MGAT5: variants seen among roughly 807,000 people sequenced by gnomAD.
MGAT5 encodes the protein alpha-1,6-mannosylglycoprotein 6-beta-N-acetylglucosaminyltransferase.
Under a neutral mutation model 94.3 loss-of-function variants are expected in MGAT5, and 30 were observed. That is an observed-to-expected ratio of 0.32 (90% CI 0.24 to 0.43). The LOEUF is 0.43. MGAT5 is among the 20% of genes least tolerant of loss of function. The pLI is 1.00. For synonymous variants in MGAT5, 310 were observed against 322.9 expected (o/e 0.96, Z 0.43); for missense variants, 691 against 905.5 (o/e 0.76, Z 3.04).
intron 4 of MGAT5, among the ~76,000 whole-genome samples, chr2:134,329,422 C>T (rs536951977): frequency 3.3e-5 from 5 of 152,084 alleles, no homozygotes; most frequent in Admixed American, 6.6e-5. Flanking sequence ...TTGCTACATT[C>T]GTTAACCATA....
At chr2:134,132,963 C>T (rs377645486) in intron 1 of MGAT5, among the ~76,000 whole-genome samples, 13 of 152,316 alleles carry the variant, frequency 8.5e-5, no homozygotes, top group African/African-American at 3.1e-4. Context: ...TGTTATGCCC[C>T]CCCTTCTTAA....
intron 1 of MGAT5, among the ~76,000 whole-genome samples, chr2:134,194,884 T>C (rs1013883508): frequency 6.6e-6 from 1 of 152,220 alleles, no homozygotes. Context: ...GTGGTTCATG[T>C]TGCTGTAAGA....
chr2:134,184,740 A>G (rs755145761), intron 1 of MGAT5, among the ~76,000 whole-genome samples: 75 of 152,108 alleles, frequency 4.9e-4, no homozygotes, highest in Non-Finnish European at 8.8e-4. Context: ...TCTGTACCCT[A>G]CTACATTTTG....
At chr2:134,440,781 G>T (rs753156994) in intron 14 of MGAT5, among the ~76,000 whole-genome samples, 4 of 152,100 alleles carry the variant, frequency 2.6e-5, no homozygotes, top group Non-Finnish European at 5.9e-5. Context: ...GTGGGAGGAG[G>T]CACTTCTTAC....
At chr2:134,163,848 A>T (rs1391934142) in intron 1 of MGAT5, among the ~76,000 whole-genome samples, 1 of 152,230 alleles carries the variant, frequency 6.6e-6, no homozygotes, top group Non-Finnish European at 1.5e-5. Context: ...AGGACTTGGC[A>T]ACAGAAGTAG....
chr2:134,140,082 C>T (rs565779484), intron 1 of MGAT5, among the ~76,000 whole-genome samples: 2 of 152,338 alleles, frequency 1.3e-5, no homozygotes, highest in South Asian at 4.1e-4. Context: ...CCTGGAGAGG[C>T]ACTTGGGGGC....
intron 9 of MGAT5, among the ~76,000 whole-genome samples, chr2:134,354,455 A>T (rs1294007502): frequency 6.6e-6 from 1 of 152,200 alleles, no homozygotes; most frequent in East Asian, 1.9e-4. Context: ...ATGCATCTTG[A>T]GGAACAGTGA....
chr2:134,325,203 GGACAA>G (rs1687572783), intron 4 of MGAT5, among the ~76,000 whole-genome samples: 1 of 152,030 alleles, frequency 6.6e-6, no homozygotes, highest in Non-Finnish European at 1.5e-5. Flanking sequence ...GAAGGGCAAA[GGACAA>G]GACTTGCCAA....
At chr2:134,230,803 G>A (rs1681318822) in intron 1 of MGAT5, among the ~76,000 whole-genome samples, 1 of 138,644 alleles carries the variant, frequency 7.2e-6, no homozygotes, top group Non-Finnish European at 1.6e-5. Context: ...CTACTCGTAG[G>A]TATATACTCA....
chr2:134,311,752 A>T lies in MGAT5; in HGVS notation c.407-5777A>T, dbSNP rs530883569. On this transcript the variant is annotated intron_variant, in intron 2 of 15. Transcript: ENST00000281923. The stretch of plus-strand genomic sequence containing the variant: ...CAGCAGTGAGGAGTGGTTATTAAAA[A>T]CTTTGTTTGTAGTAAGTGAATGTTT... 6.6e-5 allele frequency among the ~76,000 whole-genome samples: 10 copies of T among 151,236 alleles called. No homozygotes were observed. In the South Asian group the frequency reaches 2.1e-3, roughly 32 times the overall value.
At chr2:134,412,713 C>A (rs1683740717) in intron 11 of MGAT5, among the ~76,000 whole-genome samples, 156 bp from the exon 12 acceptor site, 2 of 152,092 alleles carry the variant, frequency 1.3e-5, no homozygotes, top group Non-Finnish European at 2.9e-5. Flanking sequence ...AAGCTGAATT[C>A]TCTCTGCCCC....
chr2:134,369,923 G>T (rs1350758534), intron 10 of MGAT5, among the ~76,000 whole-genome samples: 3 of 152,174 alleles, frequency 2.0e-5, no homozygotes, highest in African/African-American at 7.2e-5. Context: ...CACACAGGAT[G>T]GGCCCTGTCT....
chr2:134,171,426 G>A (rs1558968617), intron 1 of MGAT5, among the ~76,000 whole-genome samples: 2 of 152,124 alleles, frequency 1.3e-5, no homozygotes, highest in Non-Finnish European at 2.9e-5. Flanking sequence ...TGAGACCTGG[G>A]ACAAGAAGCA....
At chr2:134,357,451 T>C (rs1679818422) in intron 9 of MGAT5, among the ~76,000 whole-genome samples, 1 of 152,220 alleles carries the variant, frequency 6.6e-6, no homozygotes, top group African/African-American at 2.4e-5. Context: ...AAACAGGAAT[T>C]TTAGAACCAA....
In MGAT5 at chr2:134,387,332, A is replaced by ATATATAT; in HGVS notation, c.1381-15655_1381-15654insATATATT. ...TATATATATATATATATATATATAT[A>ATATATAT]TTTTTTTTTTTTTTTTTTTTTACCA... On this transcript the variant is annotated intron_variant, in intron 10 of 15. Transcript: ENST00000281923. Among the ~76,000 whole-genome samples, 37 of 24,264 alleles carry ATATATAT rather than the reference A, an allele frequency of 1.5e-3. 1 individual carries two copies. The highest frequency in any genetic ancestry group is 4.6e-3 in the African/African-American group (23 of 4,970). 15.9% of individuals were successfully genotyped at this position (24,264 alleles called of 152,430 possible).
chr2:134,358,965 C>T (rs550302118), intron 9 of MGAT5, among the ~76,000 whole-genome samples: 81 of 152,340 alleles, frequency 5.3e-4, no homozygotes, highest in African/African-American at 1.7e-3. Flanking sequence ...TCATCATACT[C>T]TGCTCAGGGA....
intron 10 of MGAT5, among the ~76,000 whole-genome samples, chr2:134,400,910 G>C (rs1640181810): frequency 6.6e-6 from 1 of 152,116 alleles, no homozygotes. Flanking sequence ...GGTGGGGTCT[G>C]GGAAGAGCTG....
chr2:134,420,070 A>T (rs1334018395), intron 12 of MGAT5, among the ~76,000 whole-genome samples: 1 of 152,216 alleles, frequency 6.6e-6, no homozygotes, highest in Non-Finnish European at 1.5e-5. Flanking sequence ...ACTTAAAGAC[A>T]TCCTTTAAAA....
At chr2:134,273,729 G>A (rs774283535) in intron 2 of MGAT5, among the ~76,000 whole-genome samples, 13 of 151,900 alleles carry the variant, frequency 8.6e-5, no homozygotes, top group African/African-American at 1.2e-4. Flanking sequence ...ATTTATCACC[G>A]AGGGTTTTTT....
Sources: allele counts gnomAD v4.1 joint callset (sites outside exome capture counted in the v4.1 genomes callset), GRCh38; gene constraint gnomAD v4.1.1; transcripts MANE v1.5; gene names NCBI Gene and HGNC (gene_info 2026-07-23, HGNC 2026-07-21).